Variants in SYNRG observed in about 807,000 individuals in gnomAD.
The protein encoded by SYNRG is synergin gamma, also known as AP1 gamma subunit binding protein 1.
A neutral mutation model predicts 130.9 loss-of-function variants in SYNRG; 37 were observed. The ratio of observed to expected loss-of-function variants is 0.28; its 90% CI spans 0.22 to 0.37. SYNRG has a LOEUF of 0.37. Ranked by LOEUF, SYNRG falls within the 10% of genes least tolerant of loss-of-function variation. SYNRG has a pLI of 1.00. For synonymous variants in SYNRG, 539 were observed against 568.1 expected (o/e 0.95, Z 0.73); for missense variants, 1,338 against 1,588.9 (o/e 0.84, Z 2.68).
At chr17:37,569,060 A>C in intron 10 of SYNRG, 136 bp from the exon 11 acceptor site, 1 of 883,672 alleles carries the variant, frequency 1.1e-6, no homozygotes, top group Non-Finnish European at 1.7e-6. Context: ...TACGGCAGGA[A>C]TCCTGTTTTG....
Position 37,542,366 on chromosome 17 carries a change from A to G in SYNRG, c.2808T>C (p.Ser936=), listed in dbSNP as rs1405449285. The G allele has an allele frequency of 5.6e-6, 9 of 1,614,108 alleles. No homozygotes were observed. The Admixed American group carries it at 1.5e-4, about 27-fold the overall frequency. ...AGAGAGATGTCATGGTGATGTTTTC[A>G]GAACTGCCAAATGAAGTCTCTTTCT... ...LQKKETSFGS[S]ENITMTSLSK... Residue 936 remains serine, a synonymous_variant, in exon 15 of 22, where the codon TCT becomes TCC. Transcript: ENST00000612223.
intron 6 of SYNRG, among the ~76,000 whole-genome samples, chr17:37,578,814 C>A (rs1426559790): frequency 1.3e-5 from 2 of 152,222 alleles, no homozygotes; most frequent in Non-Finnish European, 1.5e-5. Flanking sequence ...CCTTTCCTAG[C>A]TCCTTATTCT....
chr17:37,562,708 A>G (rs2059630733), intron 11 of SYNRG, among the ~76,000 whole-genome samples: 1 of 152,214 alleles, frequency 6.6e-6, no homozygotes, highest in African/African-American at 2.4e-5. Flanking sequence ...CAGCTGCTAC[A>G]TAACTGATCT....
At chr17:37,562,390 T>C (rs1028812553) in intron 11 of SYNRG, among the ~76,000 whole-genome samples, 4 of 151,696 alleles carry the variant, frequency 2.6e-5, no homozygotes, top group South Asian at 2.1e-4. Context: ...AGCATTACTT[T>C]TTCTTCTTCT....
intron 3 of SYNRG, among the ~76,000 whole-genome samples, chr17:37,594,296 A>G (rs1351682638): frequency 6.8e-6 from 1 of 147,436 alleles, no homozygotes; most frequent in African/African-American, 2.5e-5. Context: ...TATATTAATT[A>G]CAATATTAAT....
At chr17:37,555,221 G>A (rs533584758) in intron 13 of SYNRG, among the ~76,000 whole-genome samples, 2 of 152,196 alleles carry the variant, frequency 1.3e-5, no homozygotes, top group East Asian at 3.9e-4. Flanking sequence ...CCACCTCCCA[G>A]GTTCAAGCGA....
At chr17:37,572,781 A>G (rs148833725) in intron 8 of SYNRG, among the ~76,000 whole-genome samples, 237 of 152,362 alleles carry the variant, frequency 1.6e-3, no homozygotes, top group African/African-American at 5.6e-3. Context: ...GAAGCAGAAC[A>G]AGTGTCTTAA....
Position 37,540,388 on chromosome 17 carries a change from C to G in SYNRG, c.3358G>C (p.Glu1120Gln), listed in dbSNP as rs1568315999. ...GAAAGCTCTCCTCTCACCTCCACCT[C>G]TCCCGTCAGGTCTTTGTACTTGTCT... ...IRDKYKDLTG[E>Q]VEENERYAYE... is the part of the protein sequence containing the mutation. Residue 1120 changes from glutamate to glutamine, a missense_variant, in exon 16 of 22, where the codon GAG (glutamate) becomes CAG (glutamine). Transcript: ENST00000612223. 1 of 1,613,734 alleles carries G rather than the reference C, an allele frequency of 6.2e-7. No homozygotes were observed. The highest frequency in any genetic ancestry group is 8.5e-7 in the Non-Finnish European group (1 of 1,179,824).
chr17:37,608,802 G>A (rs1462213772), intron 1 of SYNRG, among the ~76,000 whole-genome samples: 2 of 152,140 alleles, frequency 1.3e-5, no homozygotes, highest in Non-Finnish European at 2.9e-5. Context: ...TCTAAAAGGG[G>A]AAGAGACAAA....
At chr17:37,556,693 G>A (rs1490705708) in intron 13 of SYNRG, among the ~76,000 whole-genome samples, 1 of 152,064 alleles carries the variant, frequency 6.6e-6, no homozygotes, top group Non-Finnish European at 1.5e-5. Context: ...ATTTATATTT[G>A]TAAGACATAC....
chr17:37,530,347 G>A (rs1467904327), intron 19 of SYNRG, among the ~76,000 whole-genome samples: 4 of 152,184 alleles, frequency 2.6e-5, no homozygotes, highest in Admixed American at 6.5e-5. Flanking sequence ...ATTAGGACAA[G>A]GTCAGGAAGC....
At chr17:37,562,256 A>C (rs2059589686) in intron 11 of SYNRG, among the ~76,000 whole-genome samples, 1 of 152,218 alleles carries the variant, frequency 6.6e-6, no homozygotes, top group Non-Finnish European at 1.5e-5. Context: ...ACAAAACAAC[A>C]ATCACTTCAA....
At chr17:37,548,108 GAA>G (rs1490141351) in intron 14 of SYNRG, among the ~76,000 whole-genome samples, 1 of 152,200 alleles carries the variant, frequency 6.6e-6, no homozygotes, top group Non-Finnish European at 1.5e-5. Flanking sequence ...GATAAATGCA[GAA>G]AAGAGTTAAA....
At chr17:37,548,911 G>T (rs1215911079) in intron 14 of SYNRG, among the ~76,000 whole-genome samples, 1 of 151,348 alleles carries the variant, frequency 6.6e-6, no homozygotes, top group African/African-American at 2.4e-5. Flanking sequence ...AAGGCGGGCG[G>T]ATTACCTGAG....
chr17:37,593,759 C>A (rs1348129463), intron 3 of SYNRG, among the ~76,000 whole-genome samples: 2 of 151,748 alleles, frequency 1.3e-5, no homozygotes, highest in African/African-American at 4.8e-5. Flanking sequence ...TGGCACATGC[C>A]TGTAATACCA....
intron 6 of SYNRG, among the ~76,000 whole-genome samples, chr17:37,580,238 C>T (rs945255443): frequency 1.3e-5 from 2 of 151,734 alleles, no homozygotes; most frequent in African/African-American, 4.8e-5. Context: ...GATCCACACA[C>T]TTGCATAGAT....
intron 19 of SYNRG, among the ~76,000 whole-genome samples, chr17:37,522,513 G>A (rs988049286): frequency 1.3e-5 from 2 of 151,986 alleles, no homozygotes; most frequent in African/African-American, 4.8e-5. Context: ...TGTTGCCCAG[G>A]CTGGAGTGTG....
chr17:37,541,848 G>C (rs2057791197), intron 15 of SYNRG, 124 bp downstream of exon 15: 2 of 946,648 alleles, frequency 2.1e-6, no homozygotes, highest in African/African-American at 3.3e-5. Context: ...AATTGACCCT[G>C]ATTTCAAAGA....
intron 13 of SYNRG, among the ~76,000 whole-genome samples, chr17:37,557,874 C>G (rs1366435944): frequency 1.3e-5 from 2 of 152,104 alleles, no homozygotes; most frequent in African/African-American, 4.8e-5. Context: ...ATTGAAAAGG[C>G]AGGACTAAGG....
Sources: allele counts gnomAD v4.1 joint callset (sites outside exome capture counted in the v4.1 genomes callset), GRCh38; gene constraint gnomAD v4.1.1; transcripts MANE v1.5; gene names NCBI Gene and HGNC (gene_info 2026-07-23, HGNC 2026-07-21).